Variants in MPHOSPH9 observed in about 807,000 individuals in gnomAD.
MPHOSPH9 encodes the protein M-phase phosphoprotein 9.
A neutral mutation model predicts 145.5 loss-of-function variants in MPHOSPH9; 88 were observed. The observed-to-expected ratio is 0.60, with a 90% CI of 0.51 to 0.72. The LOEUF (loss-of-function observed/expected upper bound fraction) is 0.72. Ranked by LOEUF, MPHOSPH9 falls within the 30% of genes least tolerant of loss-of-function variation. The pLI is 0.00. For synonymous variants in MPHOSPH9, 435 were observed against 486.2 expected (o/e 0.89, Z 1.39); for missense variants, 1,238 against 1,386.6 (o/e 0.89, Z 1.70).
chr12:123,218,897 GT>G (rs2047081801), intron 5 of MPHOSPH9, among the ~76,000 whole-genome samples: 1 of 33,494 alleles, frequency 3.0e-5, no homozygotes, highest in Non-Finnish European at 2.2e-4. Context: ...TGTGGTTTTT[GT>G]TTGTTTGTTT....
At chr12:123,163,261 A>C in intron 19 of MPHOSPH9, 127 bp from the exon 20 acceptor site, 3 of 1,029,980 alleles carry the variant, frequency 2.9e-6, no homozygotes, top group Non-Finnish European at 4.0e-6. Context: ...TTGAGAGAGA[A>C]ATAAGAGTGT....
chr12:123,155,559 T>C lies in MPHOSPH9; in HGVS notation c.*1248A>G, dbSNP rs936412702. 3.3e-5 allele frequency: 5 copies of C among 152,250 alleles called. No individual in the cohort carries two copies. The highest frequency in any genetic ancestry group is 1.2e-4 in the African/African-American group (5 of 41,462). The allele number at this position is 152,250 out of a possible 1,614,324, so 9.4% of individuals were successfully genotyped here. ...TGAGCATGTTTAGTACGAATCCATT[T>C]TGAAAGTTTGGATGAGTCTGTTTAT... On this transcript the variant is annotated 3_prime_UTR_variant, in exon 24 of 24. Coordinates refer to ENST00000606320, the MANE Select transcript of MPHOSPH9 (RefSeq NM_022782.4).
Position 123,230,408 on chromosome 12 carries a change from T to C in MPHOSPH9, c.-44A>G. 8.0e-7 allele frequency: 1 copy of C among 1,247,600 alleles called. No individual in the cohort carries two copies. The highest frequency in any genetic ancestry group is 1.1e-6 in the Non-Finnish European group (1 of 911,166). The allele number at this position is 1,247,600 out of a possible 1,614,324, so 77.3% of individuals were successfully genotyped here. On this transcript the variant is annotated 5_prime_UTR_variant, in exon 2 of 24. Coordinates refer to ENST00000606320, the MANE Select transcript of MPHOSPH9 (RefSeq NM_022782.4). ...TATTCTCTTATTGGAAAATAAAGGT[T>C]CTTGGGCTGTTTGAGAAAAATGAAT...
At chr12:123,199,611 G>A (rs370012000) in intron 11 of MPHOSPH9, among the ~76,000 whole-genome samples, 17 of 151,738 alleles carry the variant, frequency 1.1e-4, no homozygotes, top group Admixed American at 2.6e-4. Flanking sequence ...TGGATAATAC[G>A]GTGAAACCCC....
chr12:123,201,733 G>A (rs1190442949), intron 11 of MPHOSPH9, among the ~76,000 whole-genome samples: 1 of 152,122 alleles, frequency 6.6e-6, no homozygotes, highest in Non-Finnish European at 1.5e-5. Context: ...AATACTAGTA[G>A]TGAAAGCATC....
chr12:123,171,780 T>C (rs914979266), intron 16 of MPHOSPH9, among the ~76,000 whole-genome samples: 3 of 151,822 alleles, frequency 2.0e-5, no homozygotes, highest in Non-Finnish European at 2.9e-5. Flanking sequence ...AAAAAACATA[T>C]ATTATATATA....
intron 16 of MPHOSPH9, among the ~76,000 whole-genome samples, chr12:123,175,676 C>G (rs1247456242): frequency 6.7e-6 from 1 of 149,882 alleles, no homozygotes; most frequent in Non-Finnish European, 1.5e-5. Flanking sequence ...TCCCTCACCC[C>G]ACACCTCCTG....
At chr12:123,211,939 C>T (rs573387203) in intron 7 of MPHOSPH9, among the ~76,000 whole-genome samples, 3 of 152,140 alleles carry the variant, frequency 2.0e-5, no homozygotes, top group Admixed American at 6.6e-5. Context: ...AGGTGATCTG[C>T]GCACCTTGGC....
intron 6 of MPHOSPH9, among the ~76,000 whole-genome samples, chr12:123,216,291 G>A (rs1009845111): frequency 6.6e-6 from 1 of 152,142 alleles, no homozygotes; most frequent in Non-Finnish European, 1.5e-5. Flanking sequence ...AAAGAATGGT[G>A]ATATCAGGAA....
At position 123,217,828 on chromosome 12, in the gene MPHOSPH9, G is replaced by A. The variant is rs536798362; in HGVS notation, c.996+548C>T. Among the ~76,000 whole-genome samples, 62 of 152,148 alleles carry A rather than the reference G, an allele frequency of 4.1e-4. 1 individual carries two copies. Among genetic ancestry groups the A allele is most frequent in the African/African-American group, 1.4e-3 (57 of 41,522 alleles). On this transcript the variant is annotated intron_variant, in intron 6 of 23. Transcript: ENST00000606320. ...GGAGGCCAAGGTGGGTGGATCACCTGAGGTCAGGAGTTCGAGAGCAGCCTG... is the reference window on the plus strand; with the variant it reads ...GGAGGCCAAGGTGGGTGGATCACCTAAGGTCAGGAGTTCGAGAGCAGCCTG...
intron 13 of MPHOSPH9, among the ~76,000 whole-genome samples, chr12:123,187,560 C>T (rs892338156): frequency 2.0e-5 from 3 of 151,838 alleles, no homozygotes; most frequent in Non-Finnish European, 2.9e-5. Flanking sequence ...ATAATTTTTA[C>T]AAGAGCAAAA....
chr12:123,220,927 T>C (rs982147683), intron 5 of MPHOSPH9, among the ~76,000 whole-genome samples: 7 of 151,872 alleles, frequency 4.6e-5, no homozygotes, highest in Admixed American at 1.3e-4. Flanking sequence ...TGGTGGCGGG[T>C]GCCTGTAGTC....
chr12:123,204,278 C>A (rs2046332485), intron 8 of MPHOSPH9, among the ~76,000 whole-genome samples: 2 of 146,544 alleles, frequency 1.4e-5, no homozygotes, highest in East Asian at 2.1e-4. Context: ...CTTTAGCCTG[C>A]GCAACAAGAG....
intron 13 of MPHOSPH9, among the ~76,000 whole-genome samples, chr12:123,190,721 T>C (rs1164613476): frequency 6.6e-6 from 1 of 152,118 alleles, no homozygotes; most frequent in Admixed American, 6.6e-5. Flanking sequence ...CAGGCATATG[T>C]AGTAAAAGCA....
Position 123,189,255 on chromosome 12 carries a change from C to A in MPHOSPH9, c.2241+5131G>T, listed in dbSNP as rs1393929662. The stretch of plus-strand genomic sequence containing the variant: ...GAACATGCCCTTCAGAAGATTCCAG[C>A]TCCCAGTCCTTAAGTTTTGAGCTGA... On this transcript the variant is annotated intron_variant, in intron 13 of 23. Coordinates refer to ENST00000606320, the MANE Select transcript of MPHOSPH9 (RefSeq NM_022782.4). Among the ~76,000 whole-genome samples, 4 of 152,146 alleles carry A rather than the reference C, an allele frequency of 2.6e-5. No homozygotes were observed. In the East Asian group the frequency reaches 7.7e-4, roughly 29 times the overall value.
At chr12:123,152,843 T>A (rs149351772), downstream of MPHOSPH9, 258 of 225,558 alleles carry the variant, frequency 1.1e-3, no homozygotes, top group African/African-American at 5.4e-3. Flanking sequence ...CCTGTCTGAA[T>A]GGTAAAAGGC....
intron 13 of MPHOSPH9, among the ~76,000 whole-genome samples, chr12:123,194,126 G>A (rs992736219): frequency 2.6e-5 from 4 of 152,038 alleles, no homozygotes; most frequent in Non-Finnish European, 4.4e-5. Flanking sequence ...AAAATTAGCC[G>A]GGCGCAGTGG....
intron 16 of MPHOSPH9, among the ~76,000 whole-genome samples, chr12:123,174,013 A>G (rs2044712792): frequency 2.0e-5 from 3 of 152,146 alleles, no homozygotes; most frequent in African/African-American, 7.2e-5. Context: ...ATCTGACCCT[A>G]TCTCTGGGTA....
rs1467932346 is a variant in MPHOSPH9 at position 123,227,494 on chromosome 12, T to C, written c.227A>G (p.Lys76Arg). ...GTTTTTCCAAAGTTCCGAATCAGTC[T>C]TTCCACTGTTTTGTAGCTCTTGCAT... is the stretch of plus-strand genomic sequence containing the variant. ...SLMQELQNSG[K>R]TDSELWKNCE... The change falls in exon 3 of 24, where the codon AAG becomes AGG. Residue 76 changes from lysine to arginine, a missense_variant. This residue lies in a region of MPHOSPH9 where 837 missense variants were observed against 897.5 expected (regional missense o/e 0.93). Coordinates refer to ENST00000606320, the MANE Select transcript of MPHOSPH9 (RefSeq NM_022782.4). 7 of 1,516,544 alleles carry C rather than the reference T, an allele frequency of 4.6e-6. No individual in the cohort carries two copies. Among genetic ancestry groups the C allele is most frequent in the African/African-American group, 2.8e-5 (2 of 72,418 alleles). 93.9% of individuals were successfully genotyped at this position (1,516,544 alleles called of 1,614,324 possible).
Sources: gnomAD v4.1 joint callset for allele counts (sites outside exome capture counted in the v4.1 genomes callset) on GRCh38, gnomAD v4.1.1 for gene constraint, gnomAD v4.1.1 regional missense constraint, MANE v1.5 for transcripts, NCBI Gene and HGNC (gene_info 2026-07-23, HGNC 2026-07-21) for gene names.